Variants in CAPG observed in about 807,000 individuals in gnomAD.
CAPG encodes the protein macrophage-capping protein.
Under a neutral mutation model 44.6 loss-of-function variants are expected in CAPG, and 32 were observed. The observed-to-expected ratio is 0.72, with a 90% CI of 0.54 to 0.96. The LOEUF is 0.96. CAPG is among the 50% of genes least tolerant of loss of function. CAPG has a pLI of 0.00. For missense variants in CAPG, 412 were observed against 438.3 expected (o/e 0.94, Z 0.54); for synonymous variants, 175 against 179.6 (o/e 0.97, Z 0.20).
chr2:85,407,385 C>T (rs1174566637), intron 1 of CAPG, among the ~76,000 whole-genome samples: 1 of 152,062 alleles, frequency 6.6e-6, no homozygotes, highest in African/African-American at 2.4e-5. Flanking sequence ...CAAATGCTCA[C>T]CTGCACATTA....
Position 85,398,117 on chromosome 2 carries a change from C to G in CAPG, c.795G>C (p.Lys265Asn), listed in dbSNP as rs149753250. 1.2e-4 allele frequency: 189 copies of G among 1,614,056 alleles called. No homozygotes were observed. The African/African-American group carries it at 2.3e-3, about 20-fold the overall frequency. Residue 265 changes from lysine (K) to asparagine (N), a missense_variant, in exon 8 of 10, where the codon AAG (lysine) becomes AAC (asparagine). Transcript: ENST00000263867. ...GGGCAAATGGGCTGGAGTCAGCCAC[C>G]TTGGTCAGGTTCATCTGTCCAGTGG... ...SDATGQMNLT[K>N]VADSSPFALE...
At chr2:85,416,819 A>G (rs2104867841) in intron 1 of CAPG, among the ~76,000 whole-genome samples, 1 of 152,152 alleles carries the variant, frequency 6.6e-6, no homozygotes, top group Non-Finnish European at 1.5e-5. Flanking sequence ...GGCCCCAAAT[A>G]TTTATTTGAA....
downstream of CAPG, among the ~76,000 whole-genome samples, chr2:85,392,447 G>A (rs1318997921): frequency 6.6e-6 from 1 of 151,608 alleles, no homozygotes; most frequent in Non-Finnish European, 1.5e-5. Flanking sequence ...GGAGTGGGGG[G>A]CAGGTGAGAG....
downstream of CAPG, among the ~76,000 whole-genome samples, chr2:85,394,147 T>A (rs554731384): frequency 6.6e-6 from 1 of 152,318 alleles, no homozygotes; most frequent in African/African-American, 2.4e-5. Context: ...GCTATTTAGC[T>A]CTCTAGCCTC....
rs763208914 is a variant in CAPG at position 85,394,928 on chromosome 2, G to T, written c.1012C>A (p.Pro338Thr). Residue 338 changes from proline (P) to threonine (T), a missense_variant, in exon 10 of 10, where the codon CCC becomes ACC. Pro to Thr is a conservative substitution (Grantham distance 38). Transcript: ENST00000263867. ...TCCTTGAAAAATTGCTTGAAGATGGGACTCTCATGGCCCTGAGGCAGAATC... is the reference window on the plus strand; with the variant it reads ...TCCTTGAAAAATTGCTTGAAGATGGTACTCTCATGGCCCTGAGGCAGAATC... ...VEILPQGHESPIFKQFFKDWK is the reference protein window; with the variant it reads ...VEILPQGHESTIFKQFFKDWK 1 of 1,613,606 alleles carries T rather than the reference G, an allele frequency of 6.2e-7. No individual in the cohort carries two copies. The highest frequency in any genetic ancestry group is 1.1e-5 in the South Asian group (1 of 91,078).
intron 1 of CAPG, among the ~76,000 whole-genome samples, chr2:85,407,305 A>C (rs1317466734): frequency 6.6e-6 from 1 of 152,130 alleles, no homozygotes; most frequent in Non-Finnish European, 1.5e-5. Context: ...ATGGGGCTTG[A>C]TCACCCATAT....
intron 1 of CAPG, among the ~76,000 whole-genome samples, chr2:85,407,192 A>G (rs1433965718): frequency 6.6e-6 from 1 of 152,058 alleles, no homozygotes; most frequent in Non-Finnish European, 1.5e-5. Context: ...GGCTTCCCAA[A>G]GTGCTAGGAT....
chr2:85,411,514 G>A (rs183033416), upstream of CAPG, among the ~76,000 whole-genome samples: 1,156 of 152,342 alleles, frequency 7.6e-3, 64 homozygotes, highest in Admixed American at 0.07. Flanking sequence ...GGAAGGATGA[G>A]CGGACTCAGT....
At chr2:85,394,747 AGGT>A, downstream of CAPG, 3 of 709,366 alleles carry the variant, frequency 4.2e-6, no homozygotes, top group East Asian at 8.0e-5. Flanking sequence ...AGCCCAGGGC[AGGT>A]GGTGCAGGAA....
At chr2:85,413,264 G>A (rs1415862053), upstream of CAPG, 4 of 152,370 alleles carry the variant, frequency 2.6e-5, no homozygotes, top group East Asian at 7.7e-4. Flanking sequence ...CAGGAAAAAA[G>A]GGGAGAGGTT....
intron 3 of CAPG, 36 bp from the exon 4 acceptor site, chr2:85,401,719 G>A (rs748876636): frequency 1.9e-6 from 3 of 1,613,844 alleles, no homozygotes; most frequent in Non-Finnish European, 1.7e-6. Flanking sequence ...CAAGGCCCTT[G>A]TGATCCATAC....
At chr2:85,418,651 C>CGCGG (rs1491573315), upstream of CAPG, 1 of 102,668 alleles carries the variant, frequency 9.7e-6, no homozygotes, top group Non-Finnish European at 2.5e-5. Context: ...CACACACACA[C>CGCGG]GCGCGCGCGC....
intron 1 of CAPG, among the ~76,000 whole-genome samples, chr2:85,407,300 G>T (rs920969902): frequency 3.9e-5 from 6 of 152,096 alleles, no homozygotes; most frequent in African/African-American, 1.4e-4. Context: ...CTGGAATGGG[G>T]CTTGATCACC....
chr2:85,395,033 GC>G lies in CAPG; in HGVS notation c.982-76del. On this transcript the variant is annotated intron_variant, in intron 9 of 9. Coordinates refer to ENST00000263867, the MANE Select transcript of CAPG (RefSeq NM_001747.4). This position sits in a 1 kb window ranked among gnomAD's most constrained non-coding sequence, Gnocchi z 4.3. ...CCTCTGCCCAGGAGGACAGGAGGGG[GC>G]CAGAGCCAGGGAGGAGGGTGTGGGC... is the stretch of plus-strand genomic sequence containing the variant. 9.7e-7 allele frequency: 1 copy of G among 1,026,754 alleles called. No individual in the cohort carries two copies. Among genetic ancestry groups the G allele is most frequent in the South Asian group, 1.3e-5 (1 of 77,222 alleles). 63.6% of individuals were successfully genotyped at this position (1,026,754 alleles called of 1,614,324 possible). A position where few individuals can be genotyped will look rare whatever the true frequency, so the allele number is the denominator to read the frequency against.
At chr2:85,417,707 C>T (rs1165475958) in intron 1 of CAPG, among the ~76,000 whole-genome samples, 1 of 151,994 alleles carries the variant, frequency 6.6e-6, no homozygotes, top group Non-Finnish European at 1.5e-5. Flanking sequence ...TGGTCTTGAA[C>T]CCCTGACCTC....
At chr2:85,401,494 C>T in intron 4 of CAPG, 35 bp downstream of exon 4, 1 of 1,609,994 alleles carries the variant, frequency 6.2e-7, no homozygotes, top group Non-Finnish European at 8.5e-7. Context: ...CTGAGGGAAG[C>T]TGCAGGGTGG....
downstream of CAPG, among the ~76,000 whole-genome samples, chr2:85,393,439 G>A (rs1350032354): frequency 6.6e-6 from 1 of 152,184 alleles, no homozygotes; most frequent in Non-Finnish European, 1.5e-5. Flanking sequence ...AACCACTAAT[G>A]TAGTGCAACC....
At chr2:85,392,314 C>T (rs966908070), downstream of CAPG, among the ~76,000 whole-genome samples, 1 of 149,092 alleles carries the variant, frequency 6.7e-6, no homozygotes, top group Admixed American at 6.8e-5. Context: ...GGTGTGAACC[C>T]GGGAGGCGGA....
upstream of CAPG, chr2:85,419,191 T>A (rs1180016050): frequency 6.6e-6 from 1 of 152,326 alleles, no homozygotes; most frequent in Non-Finnish European, 1.5e-5. Flanking sequence ...CCGCGGTATC[T>A]GACCATCGTC....
Sources: gnomAD v4.1 joint callset for allele counts (sites outside exome capture counted in the v4.1 genomes callset) on GRCh38, gnomAD v4.1.1 for gene constraint, Gnocchi (gnomAD v3.1) non-coding constraint, MANE v1.5 for transcripts, NCBI Gene and HGNC (gene_info 2026-07-23, HGNC 2026-07-21) for gene names.